ATP8A1: variants seen among roughly 807,000 people sequenced by gnomAD.
ATP8A1 encodes ATPase phospholipid transporting 8A1.
In ATP8A1, 90 loss-of-function variants were observed where a neutral mutation model predicts 177.7. That is an observed-to-expected ratio of 0.51 (90% CI 0.43 to 0.60). The LOEUF (loss-of-function observed/expected upper bound fraction) is 0.60, where lower values mean the gene tolerates loss of function less well. Among genes scored for constraint, ATP8A1 ranks in the 20% least tolerant of loss-of-function variants. The pLI is 0.00. For missense variants in ATP8A1, 1,072 were observed against 1,392.8 expected (o/e 0.77, Z 3.67); for synonymous variants, 493 against 485.9 (o/e 1.01, Z -0.19).
chr4:42,576,336 A>C (rs1448883583), intron 12 of ATP8A1, among the ~76,000 whole-genome samples: 1 of 151,756 alleles, frequency 6.6e-6, no homozygotes, highest in African/African-American at 2.4e-5. Context: ...ATCAGCCGGG[A>C]GTGGTGGCAG....
chr4:42,569,608 T>C (rs1731707671), intron 14 of ATP8A1, among the ~76,000 whole-genome samples: 1 of 152,214 alleles, frequency 6.6e-6, no homozygotes, highest in African/African-American at 2.4e-5. Context: ...AAACAAATTA[T>C]CACACTAATA....
At chr4:42,614,463 T>C (rs1435649607) in intron 5 of ATP8A1, among the ~76,000 whole-genome samples, 3 of 152,192 alleles carry the variant, frequency 2.0e-5, no homozygotes, top group Non-Finnish European at 4.4e-5. Flanking sequence ...GCTTGAAACG[T>C]CTGGATTTTT....
intron 24 of ATP8A1, among the ~76,000 whole-genome samples, chr4:42,499,686 G>C (rs993149595): frequency 6.6e-6 from 1 of 152,188 alleles, no homozygotes; most frequent in Non-Finnish European, 1.5e-5. Flanking sequence ...TAATATGTTA[G>C]GTTGCCTGAA....
At chr4:42,574,506 T>C (rs1369974754) in intron 14 of ATP8A1, 113 bp downstream of exon 14, 1 of 803,934 alleles carries the variant, frequency 1.2e-6, no homozygotes, top group Non-Finnish European at 2.0e-6. Context: ...CTTTTCAGAC[T>C]AAAAAAAACC....
At chr4:42,611,190 C>T (rs1736332420) in intron 5 of ATP8A1, among the ~76,000 whole-genome samples, 1 of 152,130 alleles carries the variant, frequency 6.6e-6, no homozygotes, top group Non-Finnish European at 1.5e-5. Context: ...TTGTTAGTGG[C>T]TATCAGCTGT....
rs893857991 is a variant in ATP8A1 at position 42,514,474 on chromosome 4, A to G, written c.1948-7320T>C. Among the ~76,000 whole-genome samples the G allele has an allele frequency of 1.1e-4, 16 of 152,224 alleles. No homozygotes were observed. In the East Asian group the frequency reaches 1.9e-3, roughly 18 times the overall value. On this transcript the variant is annotated intron_variant, in intron 22 of 36. Coordinates refer to ENST00000381668, the MANE Select transcript of ATP8A1 (RefSeq NM_006095.2). ...GAAGATTCTAACGGCCAGTTGAGGG[A>G]AAATCATGAAAAACATATTTCCATC...
Position 42,542,119 on chromosome 4 carries a change from T to C in ATP8A1, c.1722+1798A>G, listed in dbSNP as rs1728450085. ...TGATAATGGGGAGGCTATGTGTGTG[T>C]GTGATGGCAGGGTGTATATGTGGAC... On this transcript the variant is annotated intron_variant, in intron 20 of 36. Transcript: ENST00000381668. Among the ~76,000 whole-genome samples, 6 of 152,228 alleles carry C rather than the reference T, an allele frequency of 3.9e-5. No homozygotes were observed. In the South Asian group the frequency reaches 1.2e-3, roughly 32 times the overall value.
Position 42,439,072 on chromosome 4 carries a change from G to C in ATP8A1, c.3123+4493C>G, listed in dbSNP as rs1716332111. The stretch of plus-strand genomic sequence containing the variant: ...AATGACTATAAAGTCCTGATTGTGT[G>C]AATCTGCATGAAGCTGAATATAGAA... On this transcript the variant is annotated intron_variant, in intron 33 of 36. Coordinates refer to ENST00000381668, the MANE Select transcript of ATP8A1 (RefSeq NM_006095.2). 2.1e-5 allele frequency among the ~76,000 whole-genome samples: 3 copies of C among 144,892 alleles called. No individual in the cohort carries two copies. In the South Asian group the frequency reaches 6.8e-4, roughly 33 times the overall value.
chr4:42,444,762 T>G, intron 31 of ATP8A1, 128 bp from the exon 32 acceptor site: 1 of 923,050 alleles, frequency 1.1e-6, no homozygotes, highest in Non-Finnish European at 1.7e-6. Flanking sequence ...GCTTGCTTTG[T>G]ATATCCAACC....
intron 6 of ATP8A1, among the ~76,000 whole-genome samples, chr4:42,595,176 T>C (rs965438860): frequency 6.6e-6 from 1 of 152,146 alleles, no homozygotes; most frequent in Non-Finnish European, 1.5e-5. Context: ...TAAACATGAA[T>C]TTCAATACTT....
chr4:42,470,009 C>G (rs997994365), intron 25 of ATP8A1, among the ~76,000 whole-genome samples: 3 of 152,198 alleles, frequency 2.0e-5, no homozygotes, highest in Admixed American at 1.3e-4. Context: ...GTTTTCTTCC[C>G]TGAGATTGTT....
intron 15 of ATP8A1, among the ~76,000 whole-genome samples, chr4:42,558,370 G>A (rs771058918): frequency 1.3e-5 from 2 of 152,300 alleles, no homozygotes; most frequent in African/African-American, 2.4e-5. Context: ...AGACAATGAC[G>A]TTATGGTATT....
intron 1 of ATP8A1, among the ~76,000 whole-genome samples, chr4:42,636,144 A>G (rs1475886221): frequency 0.046 from 1,308 of 28,652 alleles, 18 homozygotes; most frequent in African/African-American, 0.097. Context: ...ACACACACAC[A>G]CACACACACA....
At chr4:42,478,525 G>C (rs140529853) in intron 25 of ATP8A1, among the ~76,000 whole-genome samples, 1 of 151,890 alleles carries the variant, frequency 6.6e-6, no homozygotes, top group African/African-American at 2.4e-5. Flanking sequence ...TTTCTAAGGT[G>C]AAATAGAATG....
chr4:42,464,590 A>G lies in ATP8A1; in HGVS notation c.2619+100T>C, dbSNP rs148256933. On this transcript the variant is annotated intron_variant, in intron 27 of 36. Transcript: ENST00000381668. Reference sequence around the variant, plus strand: ...TTTAGAATTTATAAAGAGTTGGCAAATAAAATATTAATTAAAACCATGAGA... The same window carrying G: ...TTTAGAATTTATAAAGAGTTGGCAAGTAAAATATTAATTAAAACCATGAGA... 6.2e-5 allele frequency: 43 copies of G among 692,964 alleles called. No individual in the cohort carries two copies. The African/African-American group carries it at 6.3e-4, about 10-fold the overall frequency. The allele number at this position is 692,964 out of a possible 1,614,324, so 42.9% of individuals were successfully genotyped here. A position where few individuals can be genotyped will look rare whatever the true frequency, so the allele number is the denominator to read the frequency against.
chr4:42,471,942 T>A, intron 25 of ATP8A1: 4 of 673,728 alleles, frequency 5.9e-6, no homozygotes, highest in Non-Finnish European at 8.6e-6. Context: ...GGAAGCTGAG[T>A]ATTACAGCAG....
At chr4:42,574,041 G>T (rs1732168406) in intron 14 of ATP8A1, among the ~76,000 whole-genome samples, 2 of 152,142 alleles carry the variant, frequency 1.3e-5, no homozygotes, top group Admixed American at 1.3e-4. Flanking sequence ...ATACCTGGAA[G>T]TAAGAAATAA....
intron 20 of ATP8A1, among the ~76,000 whole-genome samples, chr4:42,530,153 G>A (rs1727116920): frequency 6.6e-6 from 1 of 152,204 alleles, no homozygotes. Flanking sequence ...ATGGGCCCAT[G>A]AACAAAGTGG....
At chr4:42,509,668 C>T (rs111487468) in intron 22 of ATP8A1, among the ~76,000 whole-genome samples, 13,390 of 151,922 alleles carry the variant, frequency 0.088, 890 homozygotes, top group African/African-American at 0.18. Context: ...CTGGCTAACA[C>T]GGTGAAACCT....
Sources: allele counts gnomAD v4.1 joint callset (sites outside exome capture counted in the v4.1 genomes callset), GRCh38; gene constraint gnomAD v4.1.1; transcripts MANE v1.5; gene names NCBI Gene and HGNC (gene_info 2026-07-23, HGNC 2026-07-21).